The following EGF variants were observed in gnomAD, a reference collection of about 807,000 sequenced individuals.
The protein encoded by EGF is pro-epidermal growth factor.
EGF carries 95 observed loss-of-function variants against 143.8 expected under a neutral mutation model. That is an observed-to-expected ratio of 0.66 (90% CI 0.56 to 0.78). The LOEUF (loss-of-function observed/expected upper bound fraction) is 0.78, where lower values mean the gene tolerates loss of function less well. Ranked by LOEUF, EGF falls within the 30% of genes least tolerant of loss-of-function variation. The pLI, the probability that EGF is intolerant of heterozygous loss-of-function variation, is 0.00. For synonymous variants in EGF, 510 were observed against 510.5 expected (o/e 1.00, Z 0.01); for missense variants, 1,320 against 1,470.9 (o/e 0.90, Z 1.68).
At chr4:109,946,733 G>A (rs1007504474) in intron 5 of EGF, among the ~76,000 whole-genome samples, 27 of 152,084 alleles carry the variant, frequency 1.8e-4, no homozygotes, top group Non-Finnish European at 3.2e-4. Flanking sequence ...ATTAATTTTA[G>A]ATGGTAAATG....
intron 22 of EGF, 113 bp downstream of exon 22, chr4:110,004,735 T>C (rs1753031994): frequency 1.4e-6 from 1 of 709,828 alleles, no homozygotes; most frequent in Non-Finnish European, 2.2e-6. Flanking sequence ...AGCTTCCAGC[T>C]GGTGTCAGTG....
At chr4:109,929,469 AGTGTGGAATAGCACATTAAAGACT>A (rs1384655888) in intron 1 of EGF, among the ~76,000 whole-genome samples, 10 of 152,186 alleles carry the variant, frequency 6.6e-5, no homozygotes, top group African/African-American at 2.2e-4. Flanking sequence ...AGAGTGTTAG[AGTGTGGAATAGCACATTAAAGACT>A]GAGAAGTCCT....
chr4:109,955,611 G>A (rs540056161), intron 5 of EGF, among the ~76,000 whole-genome samples: 1 of 152,324 alleles, frequency 6.6e-6, no homozygotes, highest in East Asian at 1.9e-4. Flanking sequence ...GCCATCAGCA[G>A]CATGGTATAG....
At chr4:109,959,517 T>C in intron 6 of EGF, 80 bp downstream of exon 6, 1 of 1,608,328 alleles carries the variant, frequency 6.2e-7, no homozygotes, top group Non-Finnish European at 8.5e-7. Context: ...CAGCGGCTTG[T>C]CTTCAGTGGG....
intron 5 of EGF, among the ~76,000 whole-genome samples, chr4:109,953,506 TA>T (rs567193935): frequency 6.8e-4 from 104 of 152,362 alleles, no homozygotes; most frequent in African/African-American, 2.4e-3. Context: ...TCCTATTTCT[TA>T]ATTTACGTGT....
intron 1 of EGF, among the ~76,000 whole-genome samples, chr4:109,915,931 C>T (rs574187693): frequency 1.5e-3 from 230 of 152,264 alleles, no homozygotes; most frequent in Non-Finnish European, 2.4e-3. Flanking sequence ...ATTCTGTTAG[C>T]GTCTACTTGA....
chr4:109,930,179 G>T (rs1489040379), intron 1 of EGF, among the ~76,000 whole-genome samples: 1 of 152,106 alleles, frequency 6.6e-6, no homozygotes, highest in Non-Finnish European at 1.5e-5. Flanking sequence ...TCTTTCCTTT[G>T]TAAGTTACCC....
intron 18 of EGF, 141 bp from the exon 19 acceptor site, chr4:109,993,106 A>G (rs1751262170): frequency 1.3e-6 from 1 of 798,828 alleles, no homozygotes; most frequent in African/African-American, 1.9e-5. Context: ...TAAAAAATAT[A>G]TATTAAAAAA....
intron 1 of EGF, among the ~76,000 whole-genome samples, chr4:109,937,918 G>A (rs566884191): frequency 1.3e-5 from 2 of 152,228 alleles, no homozygotes; most frequent in South Asian, 2.1e-4. Context: ...TGGGTAACTC[G>A]ACCTTTCTCT....
At position 109,969,063 on chromosome 4, in the gene EGF, G is replaced by T. The variant is rs1327435901; in HGVS notation, c.1668G>T (p.Val556=). The T allele has an allele frequency of 1.9e-6, 3 of 1,614,084 alleles. No individual in the cohort carries two copies. The highest frequency in any genetic ancestry group is 2.5e-6 in the Non-Finnish European group (3 of 1,180,040). ...RERLIEEGVD[V]PEGLAVDWIG... The stretch of plus-strand genomic sequence containing the variant: ...GGCTTATTGAGGAAGGAGTAGATGT[G>T]CCAGAAGGTCTTGCTGTGGACTGGA... Residue 556 remains valine (V), a synonymous_variant, in exon 11 of 24, where the codon GTG becomes GTT. Transcript: ENST00000265171.
At chr4:109,956,340 A>C (rs1194763868) in intron 5 of EGF, among the ~76,000 whole-genome samples, 1 of 152,178 alleles carries the variant, frequency 6.6e-6, no homozygotes, top group Non-Finnish European at 1.5e-5. Context: ...TTTATAGGGC[A>C]AAGGAAAGAG....
rs1029291832 is a variant in EGF at position 110,001,816 on chromosome 4, G to A, written c.3173+1970G>A. Reference sequence around the variant, plus strand: ...AAAGGACTATTCCTTCAAAAAGAAAGCTCATCAGAACCCTTTCTTTTTCTC... The same window carrying A: ...AAAGGACTATTCCTTCAAAAAGAAAACTCATCAGAACCCTTTCTTTTTCTC... On this transcript the variant is annotated intron_variant, in intron 21 of 23. Coordinates refer to ENST00000265171, the MANE Select transcript of EGF (RefSeq NM_001963.6). 12 of 985,272 alleles carry A rather than the reference G, an allele frequency of 1.2e-5. No individual in the cohort carries two copies. In the African/African-American group the frequency reaches 1.9e-4, roughly 16 times the overall value. The allele number at this position is 985,272 out of a possible 1,614,324, so 61.0% of individuals were successfully genotyped here. A position where few individuals can be genotyped will look rare whatever the true frequency, so the allele number is the denominator to read the frequency against.
intron 17 of EGF, 24 bp downstream of exon 17, chr4:109,987,884 A>G (rs763244447): frequency 3.2e-6 from 5 of 1,554,072 alleles, no homozygotes; most frequent in African/African-American, 2.7e-5. Context: ...GCAAATTCAC[A>G]TATTTGGACA....
At chr4:109,999,613 A>T (rs755650615) in intron 20 of EGF, 66 bp from the exon 21 acceptor site, 4 of 1,593,930 alleles carry the variant, frequency 2.5e-6, no homozygotes, top group Non-Finnish European at 3.4e-6. Flanking sequence ...CTGAATACTG[A>T]GTGTCAAAAC....
chr4:109,961,785 C>G, intron 7 of EGF, 78 bp from the exon 8 acceptor site: 2 of 1,582,570 alleles, frequency 1.3e-6, no homozygotes, highest in Non-Finnish European at 1.7e-6. Context: ...GATCACCTGG[C>G]AATATTAGCA....
At chr4:109,985,818 A>G (rs931970087) in intron 16 of EGF, among the ~76,000 whole-genome samples, 1 of 152,210 alleles carries the variant, frequency 6.6e-6, no homozygotes, top group South Asian at 2.1e-4. Flanking sequence ...AAGGCCTAAT[A>G]TGTAGTAGGT....
At chr4:109,916,420 A>G (rs1187641873) in intron 1 of EGF, among the ~76,000 whole-genome samples, 1 of 152,076 alleles carries the variant, frequency 6.6e-6, no homozygotes, top group East Asian at 1.9e-4. Flanking sequence ...TTCAAATCCC[A>G]TTTCTGCTGC....
chr4:109,982,293 G>A (rs181679880), intron 15 of EGF, among the ~76,000 whole-genome samples: 91 of 151,612 alleles, frequency 6.0e-4, no homozygotes, highest in African/African-American at 2.2e-3. Context: ...ATAGGTGTAA[G>A]CTACCCTGCC....
At chr4:109,968,762 G>T in intron 10 of EGF, 1 of 562,800 alleles carries the variant, frequency 1.8e-6, no homozygotes, top group East Asian at 3.3e-5. Context: ...TTATTTTACC[G>T]ATGAGGAAAC....
Sources: allele counts gnomAD v4.1 joint callset (sites outside exome capture counted in the v4.1 genomes callset), GRCh38; gene constraint gnomAD v4.1.1; transcripts MANE v1.5; gene names NCBI Gene and HGNC (gene_info 2026-07-23, HGNC 2026-07-21).